The following IGFBP2 variants were observed in gnomAD, a reference collection of about 807,000 sequenced individuals.
IGFBP2 encodes the protein insulin like growth factor binding protein 2.
Under a neutral mutation model 26.2 loss-of-function variants are expected in IGFBP2, and 12 were observed. That is an observed-to-expected ratio of 0.46 (90% CI 0.29 to 0.74). The LOEUF is 0.74. Ranked by LOEUF, IGFBP2 falls within the 30% of genes least tolerant of loss-of-function variation. The pLI is 0.09. For synonymous variants in IGFBP2, 189 were observed against 200.6 expected (o/e 0.94, Z 0.49); for missense variants, 328 against 441.2 (o/e 0.74, Z 2.30).
Position 216,661,850 on chromosome 2 carries a change from G to T in IGFBP2, c.673-8G>T, listed in dbSNP as rs761208213. 11 of 1,613,972 alleles carry T rather than the reference G, an allele frequency of 6.8e-6. No homozygotes were observed. In the Admixed American group the frequency reaches 1.8e-4, roughly 27 times the overall value. On this transcript the variant is annotated splice_region_variant and splice_polypyrimidine_tract_variant and intron_variant, in intron 2 of 3. Transcript: ENST00000233809. ...ACTCCGGGCGTCCCCTGCTGTCTGT[G>T]CGTGCAGACTCCCTGCCAACAGGAA... is the stretch of plus-strand genomic sequence containing the variant.
Position 216,655,229 on chromosome 2 carries a change from A to G in IGFBP2, c.443-5328A>G, listed in dbSNP as rs187841570. On this transcript the variant is annotated intron_variant, in intron 1 of 3. Transcript: ENST00000233809. The stretch of plus-strand genomic sequence containing the variant: ...GCCTGGCTATTTTTTTATTTTTAGC[A>G]GAGACAAGGTGATATAGTTAGGCTT... Among the ~76,000 whole-genome samples, 4 of 152,124 alleles carry G rather than the reference A, an allele frequency of 2.6e-5. No individual in the cohort carries two copies. In the South Asian group the frequency reaches 6.2e-4, roughly 24 times the overall value.
chr2:216,661,895 G>A lies in IGFBP2; in HGVS notation c.710G>A (p.Arg237Gln), dbSNP rs1213473547. 4 of 1,614,030 alleles carry A rather than the reference G, an allele frequency of 2.5e-6. No homozygotes were observed. Among genetic ancestry groups the A allele is most frequent in the Admixed American group, 1.7e-5 (1 of 60,010 alleles). ...CQQELDQVLE[R>Q]ISTMRLPDER... The stretch of plus-strand genomic sequence containing the variant: ...CAGGAACTGGACCAGGTCCTGGAGC[G>A]GATCTCCACCATGCGCCTTCCGGAT... The change falls in exon 3 of 4, where the codon CGG becomes CAG. Residue 237 changes from arginine to glutamine, a missense_variant. Coordinates refer to ENST00000233809, the MANE Select transcript of IGFBP2 (RefSeq NM_000597.3).
In IGFBP2 at chr2:216,633,769, G is replaced by T; in HGVS notation, c.246G>T (p.Pro82=). Residue 82 remains proline, a synonymous_variant, in exon 1 of 4, where the codon CCG becomes CCT. Transcript: ENST00000233809. ...RMPCAELVRE[P]GCGCCSVCAR... ...CATGCGCGGAGCTCGTCCGGGAGCC[G>T]GGCTGCGGCTGCTGCTCGGTGTGCG... 1 of 1,370,910 alleles carries T rather than the reference G, an allele frequency of 7.3e-7. No homozygotes were observed. The allele number at this position is 1,370,910 out of a possible 1,614,324, so 84.9% of individuals were successfully genotyped here. A position where few individuals can be genotyped will look rare whatever the true frequency, so the allele number is the denominator to read the frequency against.
intron 1 of IGFBP2, among the ~76,000 whole-genome samples, chr2:216,641,166 C>T (rs900228066): frequency 6.6e-6 from 1 of 152,132 alleles, no homozygotes; most frequent in Non-Finnish European, 1.5e-5. Context: ...ATGGCAAGTA[C>T]CTGGCACATA....
chr2:216,642,349 C>G (rs2106192032), intron 1 of IGFBP2, among the ~76,000 whole-genome samples: 1 of 146,928 alleles, frequency 6.8e-6, no homozygotes, highest in Admixed American at 6.9e-5. Flanking sequence ...CTCTGTCACC[C>G]AGGCTGGAGT....
At chr2:216,649,566 G>T (rs1477186720) in intron 1 of IGFBP2, among the ~76,000 whole-genome samples, 1 of 152,236 alleles carries the variant, frequency 6.6e-6, no homozygotes, top group African/African-American at 2.4e-5. Context: ...AACCCAAGGA[G>T]AAATGTTTGG....
intron 1 of IGFBP2, among the ~76,000 whole-genome samples, chr2:216,641,329 A>G (rs1020186900): frequency 1.3e-5 from 2 of 152,200 alleles, no homozygotes; most frequent in South Asian, 2.1e-4. Context: ...ACCATGTACT[A>G]ATCACCCAAG....
chr2:216,645,137 A>G (rs570421830), intron 1 of IGFBP2, among the ~76,000 whole-genome samples: 2 of 152,192 alleles, frequency 1.3e-5, no homozygotes, highest in Admixed American at 6.5e-5. Context: ...GAAAATGGCA[A>G]TTCCCTTGTG....
At chr2:216,641,061 G>A (rs1410576293) in intron 1 of IGFBP2, among the ~76,000 whole-genome samples, 3 of 152,192 alleles carry the variant, frequency 2.0e-5, no homozygotes, top group Admixed American at 2.0e-4. Context: ...TACTTCAGTA[G>A]TTAGTAAGGC....
At chr2:216,642,739 A>G (rs115553823) in intron 1 of IGFBP2, among the ~76,000 whole-genome samples, 2,524 of 152,176 alleles carry the variant, frequency 0.017, 54 homozygotes, top group African/African-American at 0.055. Context: ...GACTATGGGG[A>G]ACAGAGGTGG....
intron 1 of IGFBP2, among the ~76,000 whole-genome samples, chr2:216,645,980 C>A (rs1343757785): frequency 6.6e-6 from 1 of 152,090 alleles, no homozygotes; most frequent in Non-Finnish European, 1.5e-5. Flanking sequence ...GAGAGCATAG[C>A]CAAGGAAGGT....
At position 216,661,808 on chromosome 2, in the gene IGFBP2, G is replaced by T. The variant is rs531679869; in HGVS notation, c.673-50G>T. 4.7e-5 allele frequency: 75 copies of T among 1,611,014 alleles called. 1 individual carries two copies. In the South Asian group the frequency reaches 7.8e-4, roughly 17 times the overall value. On this transcript the variant is annotated intron_variant, in intron 2 of 3. Transcript: ENST00000233809. ...TGAGCTTGCGTCTGGCGCGTGCTTC[G>T]TGGGCCTGCTGTCCTCACTCCGGGC... is the stretch of plus-strand genomic sequence containing the variant.
intron 1 of IGFBP2, among the ~76,000 whole-genome samples, 191 bp from the exon 2 acceptor site, chr2:216,660,366 C>T (rs1378595495): frequency 6.6e-6 from 1 of 152,162 alleles, no homozygotes; most frequent in Non-Finnish European, 1.5e-5. Flanking sequence ...TAGTACCCAC[C>T]TAAGAGTTAG....
At chr2:216,643,706 G>C (rs1697657616) in intron 1 of IGFBP2, among the ~76,000 whole-genome samples, 1 of 152,086 alleles carries the variant, frequency 6.6e-6, no homozygotes, top group Non-Finnish European at 1.5e-5. Context: ...AATGTTTTAA[G>C]AAAGTTTACG....
intron 1 of IGFBP2, among the ~76,000 whole-genome samples, chr2:216,637,600 C>T (rs947425861): frequency 6.6e-6 from 1 of 152,104 alleles, no homozygotes; most frequent in Non-Finnish European, 1.5e-5. Context: ...GAGGAAGGTT[C>T]GAGAACAGAA....
intron 1 of IGFBP2, among the ~76,000 whole-genome samples, chr2:216,636,925 A>AGGCAGGCAGGCAGGCG (rs1220800109): frequency 9.5e-6 from 1 of 104,850 alleles, no homozygotes; most frequent in Admixed American, 1.0e-4. Context: ...GCAGGCAGGC[A>AGGCAGGCAGGCAGGCG]GGCGGGCGGG....
intron 1 of IGFBP2, among the ~76,000 whole-genome samples, chr2:216,636,962 C>G (rs1425486229): frequency 1.3e-5 from 2 of 151,136 alleles, no homozygotes; most frequent in African/African-American, 4.9e-5. Context: ...CCTGGGGAGG[C>G]TCTGCATCTG....
At chr2:216,633,150 C>G (rs1345314937), upstream of IGFBP2, 1 of 152,384 alleles carries the variant, frequency 6.6e-6, no homozygotes, top group African/African-American at 2.4e-5. Context: ...CACCGCCACG[C>G]CGGTCCTACC....
At chr2:216,637,172 G>A (rs1697515900) in intron 1 of IGFBP2, among the ~76,000 whole-genome samples, 1 of 152,192 alleles carries the variant, frequency 6.6e-6, no homozygotes, top group African/African-American at 2.4e-5. Flanking sequence ...TACTGTCACT[G>A]ATTGTTAACA....
Sources: gnomAD v4.1 joint callset for allele counts (sites outside exome capture counted in the v4.1 genomes callset) on GRCh38, gnomAD v4.1.1 for gene constraint, MANE v1.5 for transcripts, NCBI Gene and HGNC (gene_info 2026-07-23, HGNC 2026-07-21) for gene names.